LY96: variants seen among roughly 807,000 people sequenced by gnomAD.
LY96 encodes the protein lymphocyte antigen 96, also known as myeloid differentiation protein-2.
In LY96, 18 loss-of-function variants were observed where a neutral mutation model predicts 18.9. The observed-to-expected ratio is 0.95, with a 90% CI of 0.66 to 1.41. The LOEUF is 1.41. Ranked by LOEUF, LY96 falls within the 40% of genes most tolerant of loss-of-function variation. The pLI is 0.00. For synonymous variants in LY96, 66 were observed against 62.6 expected (o/e 1.06, Z -0.26); for missense variants, 175 against 182.4 (o/e 0.96, Z 0.23).
the LY96 span, among the ~76,000 whole-genome samples, chr8:74,052,955 T>C: frequency 6.6e-6 from 1 of 152,216 alleles, no homozygotes; most frequent in East Asian, 1.9e-4. Flanking sequence ...TAGATTTTTA[T>C]GTGAAAATTT....
chr8:74,000,615 G>A (rs1413216180), intron 1 of LY96, among the ~76,000 whole-genome samples: 4 of 152,128 alleles, frequency 2.6e-5, no homozygotes, highest in African/African-American at 4.8e-5. Context: ...TCCAGCCTCT[G>A]CCTATTATCC....
the LY96 span, among the ~76,000 whole-genome samples, chr8:74,080,984 C>CACTT: frequency 9.5e-6 from 1 of 105,172 alleles, no homozygotes; most frequent in South Asian, 3.5e-4. Context: ...TTCTTTCTCT[C>CACTT]TCTTTCTTTC....
the LY96 span, among the ~76,000 whole-genome samples, chr8:74,039,735 C>G: frequency 7.2e-5 from 11 of 152,168 alleles, no homozygotes; most frequent in South Asian, 2.3e-3. Flanking sequence ...AGATCAAAAA[C>G]TTTTAAGACT....
At chr8:74,080,427 G>T in the LY96 span, among the ~76,000 whole-genome samples, 170 of 152,340 alleles carry the variant, frequency 1.1e-3, 1 homozygote, top group African/African-American at 3.9e-3. Context: ...TTATGGCTGA[G>T]TGTGGAGGTG....
At chr8:73,992,875 T>TGTGTGTGTGTGA (rs1554600467) in intron 1 of LY96, among the ~76,000 whole-genome samples, 3 of 150,688 alleles carry the variant, frequency 2.0e-5, no homozygotes, top group East Asian at 1.9e-4. Flanking sequence ...TGTGTGTGTG[T>TGTGTGTGTGTGA]GACAGAGTTT....
the LY96 span, among the ~76,000 whole-genome samples, chr8:74,054,652 C>CTTTCTTTA: frequency 7.8e-6 from 1 of 128,852 alleles, no homozygotes; most frequent in Non-Finnish European, 1.6e-5. Flanking sequence ...TTCTTTCTTT[C>CTTTCTTTA]TTTCTTTCTT....
chr8:74,083,376 G>A, the LY96 span, among the ~76,000 whole-genome samples: 3 of 151,796 alleles, frequency 2.0e-5, no homozygotes, highest in Non-Finnish European at 4.4e-5. Context: ...CACCACACCT[G>A]GCTAATTTTT....
At chr8:73,995,949 G>C (rs1816117444) in intron 1 of LY96, among the ~76,000 whole-genome samples, 1 of 152,120 alleles carries the variant, frequency 6.6e-6, no homozygotes. Context: ...TGGGGGATGC[G>C]GGGTAGAGGG....
At chr8:74,030,062 TG>T (rs1363386388), downstream of LY96, among the ~76,000 whole-genome samples, 2 of 152,130 alleles carry the variant, frequency 1.3e-5, no homozygotes, top group African/African-American at 4.8e-5. Context: ...ACAGAATTAG[TG>T]TAAGTAGAGA....
chr8:74,040,742 G>A, the LY96 span, among the ~76,000 whole-genome samples: 4 of 128,758 alleles, frequency 3.1e-5, 1 homozygote, highest in East Asian at 2.4e-4. Flanking sequence ...TCACTCTGTC[G>A]CCTGGGCTGG....
At chr8:74,052,921 G>A in the LY96 span, among the ~76,000 whole-genome samples, 1 of 152,322 alleles carries the variant, frequency 6.6e-6, no homozygotes, top group African/African-American at 2.4e-5. Flanking sequence ...CAGATCTTCT[G>A]ATTTTTGAAA....
chr8:74,006,642 T>A (rs773471251), intron 2 of LY96, among the ~76,000 whole-genome samples: 1 of 152,230 alleles, frequency 6.6e-6, no homozygotes, highest in Non-Finnish European at 1.5e-5. Flanking sequence ...TCCTTCACTT[T>A]CCTGGCCAAA....
Position 74,002,073 on chromosome 8 carries a change from TCC to T in LY96, c.113-2722_113-2721del, listed in dbSNP as rs1816301091. Among the ~76,000 whole-genome samples the T allele has an allele frequency of 3.2e-4, 10 of 31,348 alleles. 2 individuals are homozygous for T. The highest frequency in any genetic ancestry group is 3.1e-4 in the Non-Finnish European group (6 of 19,540). 20.6% of individuals were successfully genotyped at this position (31,348 alleles called of 152,430 possible). On this transcript the variant is annotated intron_variant, in intron 1 of 4. Transcript: ENST00000284818. ...TTCCTTCCTTCCTTCCTTCCTTCCT[TCC>T]TTTCTTTCTTTCTTTCTTTCTCTCT... is the stretch of plus-strand genomic sequence containing the variant.
At chr8:74,050,847 A>C in the LY96 span, among the ~76,000 whole-genome samples, 1 of 152,010 alleles carries the variant, frequency 6.6e-6, no homozygotes, top group African/African-American at 2.4e-5. Flanking sequence ...ACGTGGTGAA[A>C]TTCCGTCTCT....
chr8:74,069,477 G>T, the LY96 span, among the ~76,000 whole-genome samples: 1 of 152,218 alleles, frequency 6.6e-6, no homozygotes, highest in Admixed American at 6.5e-5. Flanking sequence ...ACGTGACCAG[G>T]AAGAAATATG....
chr8:74,097,291 C>A, the LY96 span, among the ~76,000 whole-genome samples: 1 of 152,198 alleles, frequency 6.6e-6, no homozygotes, highest in Non-Finnish European at 1.5e-5. Flanking sequence ...CCCTTTCCGC[C>A]TGTGTGCTCT....
chr8:74,089,136 G>A, the LY96 span, among the ~76,000 whole-genome samples: 1 of 152,186 alleles, frequency 6.6e-6, no homozygotes, highest in African/African-American at 2.4e-5. Flanking sequence ...CCTCAGGGGC[G>A]AAGCTTCCTT....
the LY96 span, among the ~76,000 whole-genome samples, chr8:74,081,038 C>CTTTT: frequency 9.0e-6 from 1 of 110,674 alleles, no homozygotes; most frequent in South Asian, 2.7e-4. Flanking sequence ...TTCTTTCTTT[C>CTTTT]TTTCTTTCTT....
the LY96 span, among the ~76,000 whole-genome samples, chr8:74,040,193 A>G: frequency 2.6e-5 from 4 of 152,260 alleles, no homozygotes; most frequent in African/African-American, 9.6e-5. Context: ...ATGATTAATA[A>G]TGATTATACT....
Sources: allele counts gnomAD v4.1 joint callset (sites outside exome capture counted in the v4.1 genomes callset), GRCh38; gene constraint gnomAD v4.1.1; transcripts MANE v1.5; gene names NCBI Gene and HGNC (gene_info 2026-07-23, HGNC 2026-07-21).